The following GNAO1 variants were observed in gnomAD, a reference collection of about 807,000 sequenced individuals.
GNAO1 encodes the protein guanine nucleotide-binding protein G(o) subunit alpha.
For missense variants in GNAO1, 166 were observed against 478.7 expected (o/e 0.35, Z 6.10); for synonymous variants, 164 against 180.7 (o/e 0.91, Z 0.74).
At chr16:56,216,882 C>T (rs1269797436) in intron 2 of GNAO1, among the ~76,000 whole-genome samples, 2 of 152,210 alleles carry the variant, frequency 1.3e-5, no homozygotes, top group Non-Finnish European at 2.9e-5. Context: ...CTTGGTGCCT[C>T]AGTTTCTTAC....
chr16:56,303,613 T>C (rs999768703), intron 3 of GNAO1, among the ~76,000 whole-genome samples: 1 of 152,174 alleles, frequency 6.6e-6, no homozygotes, highest in Non-Finnish European at 1.5e-5. Context: ...TGTCAGACAG[T>C]TTATGGACTT....
intron 6 of GNAO1, chr16:56,340,607 T>TGCCCGGCCCTGCTCC (rs1329957101): frequency 3.8e-6 from 2 of 526,690 alleles, no homozygotes; most frequent in African/African-American, 3.8e-5. Context: ...CCCCCAACCC[T>TGCCCGGCCCTGCTCC]GCCCGGCCCT....
At chr16:56,201,495 A>G (rs938224805) in intron 2 of GNAO1, among the ~76,000 whole-genome samples, 3 of 152,242 alleles carry the variant, frequency 2.0e-5, no homozygotes, top group Non-Finnish European at 4.4e-5. Context: ...TTCTGAAGAT[A>G]ATGAGATGCC....
chr16:56,260,687 T>G (rs2036895426), intron 2 of GNAO1, among the ~76,000 whole-genome samples: 2 of 140,818 alleles, frequency 1.4e-5, no homozygotes, highest in South Asian at 4.9e-4. Flanking sequence ...GCCCACAAAG[T>G]GATCTTTGTG....
chr16:56,282,403 T>G (rs1402998722), intron 3 of GNAO1, among the ~76,000 whole-genome samples: 69 of 152,226 alleles, frequency 4.5e-4, no homozygotes, highest in Admixed American at 4.3e-3. Flanking sequence ...TTTGATAAAG[T>G]GTTGATGAAT....
chr16:56,313,197 G>A (rs984378081), intron 3 of GNAO1, among the ~76,000 whole-genome samples: 3 of 152,148 alleles, frequency 2.0e-5, no homozygotes, highest in South Asian at 4.1e-4. Context: ...CAGAACTTAT[G>A]AAGATATTAG....
intron 6 of GNAO1, chr16:56,345,854 C>T (rs761511606): frequency 1.9e-4 from 185 of 985,498 alleles, no homozygotes; most frequent in Middle Eastern, 5.2e-4. Context: ...CAGAAGCAGC[C>T]GGCAAAAGGG....
chr16:56,299,960 C>T (rs1342577912), intron 3 of GNAO1, among the ~76,000 whole-genome samples: 1 of 151,234 alleles, frequency 6.6e-6, no homozygotes, highest in Non-Finnish European at 1.5e-5. Context: ...GCTTCCTAAC[C>T]TGGGATTCTG....
chr16:56,298,121 A>G (rs1239859998), intron 3 of GNAO1, among the ~76,000 whole-genome samples: 3 of 152,220 alleles, frequency 2.0e-5, no homozygotes, highest in Non-Finnish European at 2.9e-5. Context: ...ACGGTAAGCC[A>G]TGTTCACGCC....
At chr16:56,224,303 C>T (rs527626429) in intron 2 of GNAO1, among the ~76,000 whole-genome samples, 1 of 152,288 alleles carries the variant, frequency 6.6e-6, no homozygotes, top group South Asian at 2.1e-4. Context: ...TTTCTTCCTG[C>T]AGTGGCCTTT....
chr16:56,333,232 A>G (rs2037707801), intron 4 of GNAO1, among the ~76,000 whole-genome samples: 1 of 144,152 alleles, frequency 6.9e-6, no homozygotes. Context: ...TTTCTCCCCG[A>G]GACAGAGTCT....
chr16:56,334,635 G>C, intron 4 of GNAO1, 94 bp from the exon 5 acceptor site: 1 of 1,364,868 alleles, frequency 7.3e-7, no homozygotes, highest in South Asian at 1.3e-5. Flanking sequence ...GAGGGGCCCT[G>C]ACCGAGACTG....
At chr16:56,243,699 G>T (rs1372829775) in intron 2 of GNAO1, among the ~76,000 whole-genome samples, 1 of 152,036 alleles carries the variant, frequency 6.6e-6, no homozygotes, top group Non-Finnish European at 1.5e-5. Flanking sequence ...TTTTTTAGCA[G>T]ATATATGTTC....
At chr16:56,304,139 T>G (rs1342148557) in intron 3 of GNAO1, among the ~76,000 whole-genome samples, 1 of 152,206 alleles carries the variant, frequency 6.6e-6, no homozygotes, top group Non-Finnish European at 1.5e-5. Flanking sequence ...GAGAGACTTG[T>G]AAACACAGAA....
At chr16:56,200,088 T>G (rs1567435454) in intron 2 of GNAO1, among the ~76,000 whole-genome samples, 1 of 152,248 alleles carries the variant, frequency 6.6e-6, no homozygotes, top group Non-Finnish European at 1.5e-5. Context: ...ATATTGTTAC[T>G]TATGAGAATA....
intron 6 of GNAO1, chr16:56,343,685 A>G: frequency 8.4e-7 from 1 of 1,189,032 alleles, no homozygotes; most frequent in Non-Finnish European, 1.2e-6. Flanking sequence ...ATGGCCACAC[A>G]GGCCAGGCTG....
chr16:56,288,855 G>C (rs1019548619), intron 3 of GNAO1, among the ~76,000 whole-genome samples: 35 of 152,144 alleles, frequency 2.3e-4, no homozygotes, highest in African/African-American at 8.4e-4. Flanking sequence ...GTGACCTCAG[G>C]CCCATCCCTT....
intron 6 of GNAO1, chr16:56,346,222 C>G (rs757448509): frequency 1.0e-6 from 1 of 985,334 alleles, no homozygotes; most frequent in Non-Finnish European, 1.2e-6. Flanking sequence ...TCATCCATGT[C>G]GTAACCAGCG....
chr16:56,194,822 A>AG (rs2036217010), intron 2 of GNAO1, among the ~76,000 whole-genome samples: 1 of 152,210 alleles, frequency 6.6e-6, no homozygotes, highest in African/African-American at 2.4e-5. Context: ...AATCCCCCAA[A>AG]GGGGTGCCTC....
Sources: allele counts gnomAD v4.1 joint callset (sites outside exome capture counted in the v4.1 genomes callset), GRCh38; gene constraint gnomAD v4.1.1; transcripts MANE v1.5; gene names NCBI Gene and HGNC (gene_info 2026-07-23, HGNC 2026-07-21).